BICRA: variants seen among roughly 807,000 people sequenced by gnomAD.
BICRA encodes BRD4 interacting chromatin remodeling complex associated protein.
In BICRA, 31 loss-of-function variants were observed where a neutral mutation model predicts 96.9. The observed-to-expected ratio is 0.32, with a 90% CI of 0.24 to 0.43. BICRA has a LOEUF of 0.43. Ranked by LOEUF, BICRA falls within the 20% of genes least tolerant of loss-of-function variation. The probability of loss-of-function intolerance (pLI) is 1.00; values close to 1 mark genes in which losing one functional copy is unlikely to be tolerated. For synonymous variants in BICRA, 1,350 were observed against 1,071.8 expected (o/e 1.26, Z -5.07); for missense variants, 2,283 against 2,190.3 (o/e 1.04, Z -0.84).
At chr19:47,609,628 C>T (rs981244590) in intron 1 of BICRA, among the ~76,000 whole-genome samples, 1 of 151,642 alleles carries the variant, frequency 6.6e-6, no homozygotes, top group Admixed American at 6.6e-5. Context: ...CCGTCCCGGC[C>T]CCCTCCCCTC....
rs1456956658 is a variant in BICRA at position 47,679,367 on chromosome 19, A to C, written c.197A>C (p.Asn66Thr). The C allele has an allele frequency of 2.1e-6, 3 of 1,432,730 alleles. No individual in the cohort carries two copies. In the African/African-American group the frequency reaches 4.5e-5, roughly 21 times the overall value. 88.8% of individuals were successfully genotyped at this position (1,432,730 alleles called of 1,614,324 possible). A position where few individuals can be genotyped will look rare whatever the true frequency, so the allele number is the denominator to read the frequency against. Residue 66 changes from asparagine (N) to threonine (T), a missense_variant, in exon 6 of 15, where the codon AAC becomes ACC. Coordinates refer to ENST00000594866, the MANE Select transcript of BICRA (RefSeq NM_001394372.1). ...ASGNHLNPEP[N>T]QPAPSVDLDF... ...GGCAACCACCTGAACCCAGAGCCCA[A>C]CCAGCCGGCCCCCAGTGTGGACCTA...
intron 1 of BICRA, among the ~76,000 whole-genome samples, chr19:47,667,423 A>G (rs78306683): frequency 3.3e-5 from 5 of 152,310 alleles, no homozygotes; most frequent in Non-Finnish European, 5.9e-5. Flanking sequence ...ACTGGTTTGC[A>G]GAAGCCTCAC....
intron 1 of BICRA, among the ~76,000 whole-genome samples, chr19:47,615,478 G>T (rs534467327): frequency 6.6e-6 from 1 of 152,298 alleles, no homozygotes; most frequent in South Asian, 2.1e-4. Context: ...GGTCAGGAGC[G>T]TGGGCTCTGG....
intron 1 of BICRA, among the ~76,000 whole-genome samples, chr19:47,638,406 G>A (rs1972332590): frequency 6.6e-6 from 1 of 152,184 alleles, no homozygotes; most frequent in Admixed American, 6.5e-5. Context: ...TTGGAATAGG[G>A]AACACATGCT....
In BICRA at chr19:47,701,926, T is replaced by C; in HGVS notation, c.4194T>C (p.Pro1398=). 1 of 1,432,466 alleles carries C rather than the reference T, an allele frequency of 7.0e-7. No homozygotes were observed. The highest frequency in any genetic ancestry group is 9.1e-7 in the Non-Finnish European group (1 of 1,102,474). The allele number at this position is 1,432,466 out of a possible 1,614,324, so 88.7% of individuals were successfully genotyped here. Reference sequence around the variant, plus strand: ...CCTACCGCGAGAACGTGGGGGGCCCTGGCGCGCCGGAGGGGACGCCCGCAG... The same window carrying C: ...CCTACCGCGAGAACGTGGGGGGCCCCGGCGCGCCGGAGGGGACGCCCGCAG... The part of the protein sequence containing the change: ...RKTYRENVGG[P]GAPEGTPAGR... Residue 1398 remains proline, a synonymous_variant, in exon 15 of 15, where the codon CCT becomes CCC. Transcript: ENST00000594866. This position sits in a 1 kb window ranked among gnomAD's most constrained non-coding sequence, Gnocchi z 5.4.
At chr19:47,654,296 T>G (rs1307180030) in intron 1 of BICRA, among the ~76,000 whole-genome samples, 2 of 152,180 alleles carry the variant, frequency 1.3e-5, no homozygotes, top group African/African-American at 4.8e-5. Flanking sequence ...ATGTTGAGTA[T>G]CTTGTCATGG....
intron 1 of BICRA, among the ~76,000 whole-genome samples, chr19:47,667,049 T>A (rs571853991): frequency 6.7e-6 from 1 of 148,628 alleles, no homozygotes; most frequent in Non-Finnish European, 1.5e-5. Flanking sequence ...GACGGAGTCT[T>A]GCTCTGTCGC....
intron 1 of BICRA, among the ~76,000 whole-genome samples, chr19:47,655,153 A>G (rs1043147757): frequency 1.3e-5 from 2 of 152,120 alleles, no homozygotes; most frequent in Admixed American, 6.6e-5. Context: ...TTCTCTTACT[A>G]TAAACAAGTG....
Position 47,680,208 on chromosome 19 carries a change from C to T in BICRA, c.1038C>T (p.Arg346=). ...CGGCGCCCAACGTGATCCTGCATCGCACACCCACGCCCATCCAGCCCAAGC... is the reference window on the plus strand; with the variant it reads ...CGGCGCCCAACGTGATCCTGCATCGTACACCCACGCCCATCCAGCCCAAGC... ...LVPAPNVILH[R]TPTPIQPKPA... Residue 346 remains arginine (R), a synonymous_variant, in exon 6 of 15, where the codon CGC becomes CGT. Coordinates refer to ENST00000594866, the MANE Select transcript of BICRA (RefSeq NM_001394372.1). 1.9e-6 allele frequency: 3 copies of T among 1,554,768 alleles called. No individual in the cohort carries two copies. Among genetic ancestry groups the T allele is most frequent in the Non-Finnish European group, 1.7e-6 (2 of 1,159,006 alleles).
intron 2 of BICRA, 125 bp from the exon 3 acceptor site, chr19:47,673,445 C>T: frequency 1.3e-6 from 1 of 749,444 alleles, no homozygotes; most frequent in Non-Finnish European, 2.4e-6. Context: ...CATCTATCCC[C>T]ATGGACTCAA....
intron 1 of BICRA, chr19:47,663,915 C>T (rs1214702202): frequency 1.3e-5 from 2 of 150,308 alleles, no homozygotes; most frequent in Non-Finnish European, 3.0e-5. Context: ...TTATTTAAAG[C>T]AGTTCCTGGT....
chr19:47,702,669 G>T lies in BICRA; in HGVS notation c.*254G>T. On this transcript the variant is annotated 3_prime_UTR_variant, in exon 15 of 15. Transcript: ENST00000594866. ...AAAGGAGGGGCAAAGTGCTGTGTCA[G>T]TTCCTGTTTCTTCCCATTTCCTGGC... 2.0e-6 allele frequency: 1 copy of T among 506,404 alleles called. No individual in the cohort carries two copies. Among genetic ancestry groups the T allele is most frequent in the Non-Finnish European group, 3.4e-6 (1 of 292,448 alleles). The allele number at this position is 506,404 out of a possible 1,614,324, so 31.4% of individuals were successfully genotyped here.
intron 1 of BICRA, among the ~76,000 whole-genome samples, chr19:47,667,087 C>T (rs1311371550): frequency 2.0e-5 from 3 of 150,148 alleles, no homozygotes; most frequent in Non-Finnish European, 3.0e-5. Flanking sequence ...GGCACGATCT[C>T]GGCTCACTGC....
chr19:47,657,457 C>T (rs1972636013), intron 1 of BICRA, among the ~76,000 whole-genome samples: 1 of 150,406 alleles, frequency 6.6e-6, no homozygotes, highest in African/African-American at 2.5e-5. Context: ...AGTGCAGTGG[C>T]ATGATTTCGG....
chr19:47,675,162 G>A lies in BICRA; in HGVS notation c.85-689G>A, dbSNP rs1972922225. On this transcript the variant is annotated intron_variant, in intron 4 of 14. Coordinates refer to ENST00000594866, the MANE Select transcript of BICRA (RefSeq NM_001394372.1). This position sits in a 1 kb window ranked among gnomAD's most constrained non-coding sequence, Gnocchi z 4.7. Reference sequence around the variant, plus strand: ...CCTGGATTTTGGCTTGAGCAACTGAGTGGATTCTGGTGCCATTTTCTGAAG... The same window carrying A: ...CCTGGATTTTGGCTTGAGCAACTGAATGGATTCTGGTGCCATTTTCTGAAG... 2.6e-5 allele frequency among the ~76,000 whole-genome samples: 4 copies of A among 152,182 alleles called. No homozygotes were observed. Among genetic ancestry groups the A allele is most frequent in the Admixed American group, 2.6e-4 (4 of 15,270 alleles).
chr19:47,679,216 G>A, intron 5 of BICRA, 105 bp from the exon 6 acceptor site: 1 of 746,548 alleles, frequency 1.3e-6, no homozygotes. Flanking sequence ...GTTCTTTCTT[G>A]AACGTGGCTG....
intron 1 of BICRA, among the ~76,000 whole-genome samples, chr19:47,658,767 G>A (rs552896449): frequency 3.9e-5 from 6 of 152,110 alleles, no homozygotes; most frequent in East Asian, 3.9e-4. Context: ...GGGACCTGCC[G>A]ATTCCCAGAT....
At position 47,698,643 on chromosome 19, in the gene BICRA, G is replaced by C; in HGVS notation, c.3258G>C (p.Glu1086Asp). 1 of 1,543,724 alleles carries C rather than the reference G, an allele frequency of 6.5e-7. No homozygotes were observed. Among genetic ancestry groups the C allele is most frequent in the Non-Finnish European group, 9.0e-7 (1 of 1,116,888 alleles). ...LQPSKEACFL[E>D]HLHKHQGSVL... ...CCCTTTCCACCCGCAGTTTCCTGGA[G>C]CATTTGCACAAACACCAGGGCTCCG... The change falls in exon 12 of 15, where the codon GAG (glutamate) becomes GAC (aspartate). Residue 1086 changes from glutamate to aspartate, a missense_variant. Glu to Asp is a conservative substitution (Grantham distance 45). Transcript: ENST00000594866. The surrounding 1 kb of genome is among the most constrained non-coding windows in gnomAD (Gnocchi z 4.8).
intron 1 of BICRA, among the ~76,000 whole-genome samples, chr19:47,653,308 C>G (rs528795966): frequency 1.6e-4 from 24 of 150,562 alleles, no homozygotes; most frequent in African/African-American, 4.9e-4. Flanking sequence ...TAGGCATGAG[C>G]CACTGTGCCT....
Sources: allele counts gnomAD v4.1 joint callset (sites outside exome capture counted in the v4.1 genomes callset), GRCh38; gene constraint gnomAD v4.1.1; non-coding constraint Gnocchi (gnomAD v3.1); transcripts MANE v1.5; gene names NCBI Gene and HGNC (gene_info 2026-07-23, HGNC 2026-07-21).